Variants in EYS observed in about 807,000 individuals in gnomAD.
The protein encoded by EYS is EGF-like photoreceptor maintenance factor.
A neutral mutation model predicts 282.1 loss-of-function variants in EYS; 250 were observed. That is an observed-to-expected ratio of 0.89 (90% confidence interval 0.80 to 0.98). EYS has a LOEUF of 0.98. Ranked by LOEUF, EYS falls within the 50% of genes least tolerant of loss-of-function variation. The pLI, the probability that EYS is intolerant of heterozygous loss-of-function variation, is 0.00. For missense variants in EYS, 4,016 were observed against 3,709.0 expected (o/e 1.08, Z -2.15); for synonymous variants, 1,355 against 1,282.9 (o/e 1.06, Z -1.20).
chr6:64,360,434 C>T lies in EYS; in HGVS notation c.6078+28256G>A, dbSNP rs903281242. Reference sequence around the variant, plus strand: ...GAAGTTACTCGGCCTTCTTGTGTGCCGCTATGTCATTATCATGACCTACCT... The same window carrying T: ...GAAGTTACTCGGCCTTCTTGTGTGCTGCTATGTCATTATCATGACCTACCT... On this transcript the variant is annotated intron_variant, in intron 29 of 42. Transcript: ENST00000503581. Among the ~76,000 whole-genome samples the T allele has an allele frequency of 4.0e-5, 6 of 151,690 alleles. 1 individual carries two copies. Among genetic ancestry groups the T allele is most frequent in the South Asian group, 2.1e-4 (1 of 4,820 alleles).
chr6:64,469,232 T>TTTTTCTAATAA (rs1316741273), intron 26 of EYS, among the ~76,000 whole-genome samples: 2 of 152,138 alleles, frequency 1.3e-5, no homozygotes, highest in African/African-American at 4.8e-5. Flanking sequence ...TTGATTTGCA[T>TTTTTCTAATAA]TTTTCTAATA....
chr6:65,361,522 C>A (rs989136206), intron 8 of EYS, among the ~76,000 whole-genome samples: 1 of 150,168 alleles, frequency 6.7e-6, no homozygotes, highest in African/African-American at 2.5e-5. Context: ...TCTCTATCGC[C>A]CAGGCTGGAA....
At chr6:64,312,665 C>T (rs545917259) in intron 29 of EYS, among the ~76,000 whole-genome samples, 1 of 152,262 alleles carries the variant, frequency 6.6e-6, no homozygotes, top group Non-Finnish European at 1.5e-5. Flanking sequence ...CCCTCTGGGA[C>T]GAAGCTTCCA....
At chr6:64,585,154 C>G (rs555659568) in intron 26 of EYS, among the ~76,000 whole-genome samples, 40 of 151,978 alleles carry the variant, frequency 2.6e-4, no homozygotes, top group Non-Finnish European at 5.6e-4. Flanking sequence ...AGAACAAAAT[C>G]ATGTCCTTGG....
intron 22 of EYS, among the ~76,000 whole-genome samples, chr6:64,750,686 G>A (rs529342512): frequency 6.6e-6 from 1 of 152,224 alleles, no homozygotes; most frequent in Non-Finnish European, 1.5e-5. Flanking sequence ...TACGATGTTG[G>A]ATTGGAGGCT....
At chr6:65,454,190 T>C (rs1262722732) in intron 5 of EYS, among the ~76,000 whole-genome samples, 1 of 151,838 alleles carries the variant, frequency 6.6e-6, no homozygotes, top group African/African-American at 2.4e-5. Flanking sequence ...TTTTCTTTAG[T>C]CTTTTTGATA....
chr6:65,617,160 G>A (rs932073941), intron 2 of EYS, among the ~76,000 whole-genome samples: 2 of 152,020 alleles, frequency 1.3e-5, no homozygotes, highest in Non-Finnish European at 2.9e-5. Context: ...CATCAAGAGT[G>A]TTAGAAACCT....
At chr6:64,936,326 C>G (rs9445438) in intron 15 of EYS, among the ~76,000 whole-genome samples, 46,971 of 151,290 alleles carry the variant, frequency 0.31, 9,240 homozygotes, top group African/African-American at 0.56. Flanking sequence ...CATGAAAAAT[C>G]TACAGCTAAC....
At chr6:64,186,051 T>G (rs1223669996) in intron 31 of EYS, among the ~76,000 whole-genome samples, 2 of 152,116 alleles carry the variant, frequency 1.3e-5, no homozygotes, top group Non-Finnish European at 2.9e-5. Context: ...GGAAGGTTAC[T>G]TAAGTGAGTA....
At chr6:65,657,016 T>C (rs1355012775) in intron 1 of EYS, among the ~76,000 whole-genome samples, 1 of 151,876 alleles carries the variant, frequency 6.6e-6, no homozygotes, top group Non-Finnish European at 1.5e-5. Flanking sequence ...TTCAATCTAC[T>C]CTGCCTGTCC....
At position 64,704,960 on chromosome 6, in the gene EYS, A is replaced by G. The variant is rs368181853; in HGVS notation, c.3444-78715T>C. ...TCTCACCACTTCTATTCAACATAGT[A>G]CTGGAAGTCCTAGCCAGAGCAATCA... On this transcript the variant is annotated intron_variant, in intron 22 of 42. Transcript: ENST00000503581. Among the ~76,000 whole-genome samples, 11 of 152,268 alleles carry G rather than the reference A, an allele frequency of 7.2e-5. No individual in the cohort carries two copies. The East Asian group carries it at 1.5e-3, about 21-fold the overall frequency.
chr6:64,024,860 C>T (rs1463250007), intron 33 of EYS, among the ~76,000 whole-genome samples: 1 of 152,096 alleles, frequency 6.6e-6, no homozygotes, highest in Non-Finnish European at 1.5e-5. Flanking sequence ...ACGCGCCACC[C>T]TAAGAGTTGT....
At chr6:64,571,149 T>C (rs1582906754) in intron 26 of EYS, among the ~76,000 whole-genome samples, 1 of 152,108 alleles carries the variant, frequency 6.6e-6, no homozygotes, top group South Asian at 2.1e-4. Flanking sequence ...CACAACTACA[T>C]GGAAACTGAA....
chr6:64,998,111 A>G (rs980232819), intron 13 of EYS, among the ~76,000 whole-genome samples: 1 of 152,206 alleles, frequency 6.6e-6, no homozygotes, highest in Non-Finnish European at 1.5e-5. Context: ...TTCAGTTGTT[A>G]AAGTTCTATG....
At chr6:64,984,664 T>TA (rs1357267795) in intron 14 of EYS, among the ~76,000 whole-genome samples, 1 of 151,434 alleles carries the variant, frequency 6.6e-6, no homozygotes, top group Non-Finnish European at 1.5e-5. Flanking sequence ...TTTTAAATTG[T>TA]AAATTTATTT....
chr6:64,228,501 T>G (rs932434953), intron 31 of EYS, among the ~76,000 whole-genome samples: 1 of 152,178 alleles, frequency 6.6e-6, no homozygotes, highest in Non-Finnish European at 1.5e-5. Flanking sequence ...TACTAATTAT[T>G]GATAAAAATA....
At chr6:64,831,232 T>G (rs1017943630) in intron 19 of EYS, among the ~76,000 whole-genome samples, 1 of 151,964 alleles carries the variant, frequency 6.6e-6, no homozygotes, top group Non-Finnish European at 1.5e-5. Context: ...TGCTTTTAAA[T>G]TTTTTTGTCA....
rs142137600 is a variant in EYS, at chr6:65,455,854, C to G, written c.862+34740G>C. Among the ~76,000 whole-genome samples, 1,058 of 152,032 alleles carry G rather than the reference C, an allele frequency of 7.0e-3. 9 individuals carry two copies. The highest frequency in any genetic ancestry group is 8.3e-3 in the South Asian group (40 of 4,822). On this transcript the variant is annotated intron_variant, in intron 5 of 42. Transcript: ENST00000503581. ...AGAATTAATAGTAATTTTCCTCAAC[C>G]TATTCCAAATAATTGAACAGAATGA...
intron 24 of EYS, among the ~76,000 whole-genome samples, chr6:64,604,075 A>G (rs1766848934): frequency 6.6e-6 from 1 of 151,922 alleles, no homozygotes; most frequent in Admixed American, 6.6e-5. Flanking sequence ...ATGTTCCATC[A>G]AATTTATGTG....
Sources: gnomAD v4.1 joint callset for allele counts (sites outside exome capture counted in the v4.1 genomes callset) on GRCh38, gnomAD v4.1.1 for gene constraint, MANE v1.5 for transcripts, NCBI Gene and HGNC (gene_info 2026-07-23, HGNC 2026-07-21) for gene names.